LDB2: variants seen among roughly 807,000 people sequenced by gnomAD.
LDB2 encodes LIM domain-binding protein 2.
In LDB2, 12 loss-of-function variants were observed where a neutral mutation model predicts 44.3. The ratio of observed to expected loss-of-function variants is 0.27; its 90% CI spans 0.17 to 0.44. LDB2 has a LOEUF of 0.44. Among genes scored for constraint, LDB2 ranks in the 20% least tolerant of loss-of-function variants. The pLI is 1.00. For synonymous variants in LDB2, 164 were observed against 174.8 expected, an observed-to-expected ratio of 0.94 and a Z score of 0.49; for missense variants, 344 against 473.5, an observed-to-expected ratio of 0.73 and a Z score of 2.54.
At chr4:16,886,544 T>C (rs947720684) in intron 1 of LDB2, among the ~76,000 whole-genome samples, 1 of 152,242 alleles carries the variant, frequency 6.6e-6, no homozygotes, top group Non-Finnish European at 1.5e-5. Context: ...CGATTTTCTT[T>C]ACCTCCTTGA....
At chr4:16,521,324 G>A (rs2152274847) in intron 5 of LDB2, among the ~76,000 whole-genome samples, 1 of 152,186 alleles carries the variant, frequency 6.6e-6, no homozygotes, top group Non-Finnish European at 1.5e-5. Flanking sequence ...CAATCCTTGG[G>A]GCTCATTGGC....
intron 5 of LDB2, among the ~76,000 whole-genome samples, chr4:16,531,370 C>T (rs1730095055): frequency 6.6e-6 from 1 of 152,236 alleles, no homozygotes; most frequent in African/African-American, 2.4e-5. Flanking sequence ...AACAATTTCT[C>T]ATTCTACCAT....
chr4:16,678,641 C>A (rs957806321), intron 2 of LDB2, among the ~76,000 whole-genome samples: 1 of 152,146 alleles, frequency 6.6e-6, no homozygotes, highest in Non-Finnish European at 1.5e-5. Context: ...CTAAGAAAAT[C>A]CAGCTTGGTT....
At chr4:16,666,036 C>T (rs1301040185) in intron 2 of LDB2, among the ~76,000 whole-genome samples, 1 of 152,102 alleles carries the variant, frequency 6.6e-6, no homozygotes. Context: ...CCAACGCTGC[C>T]GACACCTTGA....
intron 5 of LDB2, among the ~76,000 whole-genome samples, chr4:16,546,549 C>T (rs1172052045): frequency 3.3e-5 from 5 of 152,176 alleles, no homozygotes; most frequent in Non-Finnish European, 5.9e-5. Flanking sequence ...TTGGGTTTTT[C>T]GAGGCTGCTA....
chr4:16,589,511 CATAAT>C (rs952354480), intron 3 of LDB2, among the ~76,000 whole-genome samples: 5 of 152,072 alleles, frequency 3.3e-5, no homozygotes, highest in African/African-American at 7.2e-5. Flanking sequence ...ATTAATGAAA[CATAAT>C]AGAATTTTGA....
intron 2 of LDB2, among the ~76,000 whole-genome samples, chr4:16,721,063 A>G (rs190665919): frequency 1.3e-3 from 196 of 152,278 alleles, no homozygotes; most frequent in Non-Finnish European, 2.3e-3. Context: ...CCTTATTCCA[A>G]AACTATGTCC....
chr4:16,794,657 C>G (rs1392144157), intron 1 of LDB2, among the ~76,000 whole-genome samples: 3 of 152,160 alleles, frequency 2.0e-5, no homozygotes, highest in Non-Finnish European at 4.4e-5. Flanking sequence ...TAAATTGATA[C>G]ATTTAAAGAG....
intron 2 of LDB2, among the ~76,000 whole-genome samples, chr4:16,708,801 T>C (rs145821648): frequency 3.5e-4 from 53 of 152,242 alleles, no homozygotes; most frequent in African/African-American, 1.2e-3. Flanking sequence ...GTGCTCTCTG[T>C]GGGAGCTATC....
chr4:16,813,749 A>G (rs1780344551), intron 1 of LDB2, among the ~76,000 whole-genome samples: 1 of 152,180 alleles, frequency 6.6e-6, no homozygotes, highest in Admixed American at 6.5e-5. Context: ...AGGCCAAAAC[A>G]AACTCAATTT....
intron 2 of LDB2, among the ~76,000 whole-genome samples, chr4:16,634,006 A>G (rs1732815239): frequency 6.6e-6 from 1 of 152,228 alleles, no homozygotes; most frequent in South Asian, 2.1e-4. Flanking sequence ...CACACAAGCA[A>G]TGGGGAAAAC....
At chr4:16,810,259 A>G (rs1779593253) in intron 1 of LDB2, among the ~76,000 whole-genome samples, 1 of 152,200 alleles carries the variant, frequency 6.6e-6, no homozygotes, top group African/African-American at 2.4e-5. Context: ...ATCCTTCAAC[A>G]TGACCCATCT....
At chr4:16,639,124 G>A (rs1396586111) in intron 2 of LDB2, among the ~76,000 whole-genome samples, 1 of 152,136 alleles carries the variant, frequency 6.6e-6, no homozygotes, top group African/African-American at 2.4e-5. Context: ...AATAAACTAA[G>A]TATTATAATC....
intron 5 of LDB2, among the ~76,000 whole-genome samples, chr4:16,546,347 C>A (rs1184382071): frequency 1.3e-5 from 2 of 152,176 alleles, no homozygotes; most frequent in Non-Finnish European, 2.9e-5. Flanking sequence ...TGGCCCCCTA[C>A]CACGTAAAAC....
chr4:16,720,027 T>A (rs1339905429), intron 2 of LDB2, among the ~76,000 whole-genome samples: 1 of 152,142 alleles, frequency 6.6e-6, no homozygotes, highest in Non-Finnish European at 1.5e-5. Context: ...AAACTTCAAC[T>A]ATTATAATCT....
chr4:16,775,803 G>A (rs895154856), intron 1 of LDB2, among the ~76,000 whole-genome samples: 2 of 152,152 alleles, frequency 1.3e-5, no homozygotes, highest in Non-Finnish European at 2.9e-5. Flanking sequence ...TACCCCTAGT[G>A]CCTGGCATAG....
At chr4:16,797,624 A>G (rs149578357) in intron 1 of LDB2, among the ~76,000 whole-genome samples, 1,582 of 152,280 alleles carry the variant, frequency 0.01, 27 homozygotes, top group African/African-American at 0.035. Flanking sequence ...TCTCTAGAAT[A>G]GTTAGGAATG....
intron 1 of LDB2, among the ~76,000 whole-genome samples, chr4:16,868,088 C>T (rs990730957): frequency 6.6e-6 from 1 of 152,102 alleles, no homozygotes; most frequent in Non-Finnish European, 1.5e-5. Context: ...ACATTAGACT[C>T]GTTTATCTTA....
chr4:16,708,838 C>G (rs924101843), intron 2 of LDB2, among the ~76,000 whole-genome samples: 2 of 152,200 alleles, frequency 1.3e-5, no homozygotes, highest in South Asian at 4.2e-4. Context: ...CTTTTCTCCT[C>G]AGTGGGAGTT....
Sources: gnomAD v4.1 joint callset for allele counts (sites outside exome capture counted in the v4.1 genomes callset) on GRCh38, gnomAD v4.1.1 for gene constraint, MANE v1.5 for transcripts, NCBI Gene and HGNC (gene_info 2026-07-23, HGNC 2026-07-21) for gene names.